The following ABLIM1 variants were observed in gnomAD, a reference collection of about 807,000 sequenced individuals.
ABLIM1 encodes the protein actin binding LIM protein 1, also known as actin-binding LIM protein 1.
Under a neutral mutation model 107.0 loss-of-function variants are expected in ABLIM1, and 40 were observed. The observed-to-expected ratio is 0.37, with a 90% CI of 0.29 to 0.49. The LOEUF (loss-of-function observed/expected upper bound fraction) is 0.49, where lower values mean the gene tolerates loss of function less well. Ranked by LOEUF, ABLIM1 falls within the 20% of genes least tolerant of loss-of-function variation. The pLI, the probability that ABLIM1 is intolerant of heterozygous loss-of-function variation, is 0.97. For synonymous variants in ABLIM1, 357 were observed against 357.3 expected (o/e 1.00, Z 0.01); for missense variants, 857 against 1,008.5 (o/e 0.85, Z 2.04).
intron 1 of ABLIM1, among the ~76,000 whole-genome samples, chr10:114,640,686 G>A (rs1338128540): frequency 1.3e-5 from 2 of 152,164 alleles, no homozygotes; most frequent in Admixed American, 6.5e-5. Context: ...ATTCCATTGA[G>A]TTAAAAGTTG....
chr10:114,519,007 T>G (rs1165864877), intron 6 of ABLIM1, among the ~76,000 whole-genome samples: 1 of 152,138 alleles, frequency 6.6e-6, no homozygotes, highest in Non-Finnish European at 1.5e-5. Flanking sequence ...AGCAAAAATC[T>G]TTTGAATATC....
chr10:114,645,455 C>T (rs951267663), intron 1 of ABLIM1, among the ~76,000 whole-genome samples: 26 of 151,942 alleles, frequency 1.7e-4, no homozygotes, highest in African/African-American at 4.4e-4. Context: ...AAGTTTTCCT[C>T]GCAGAGTCTC....
intron 1 of ABLIM1, among the ~76,000 whole-genome samples, chr10:114,683,556 G>A (rs1341394641): frequency 3.3e-5 from 5 of 152,120 alleles, no homozygotes; most frequent in African/African-American, 4.8e-5. Context: ...GAGGTCCTGC[G>A]AAACAGAGAA....
At chr10:114,453,948 G>T (rs1244020303) in intron 12 of ABLIM1, among the ~76,000 whole-genome samples, 1 of 152,192 alleles carries the variant, frequency 6.6e-6, no homozygotes, top group African/African-American at 2.4e-5. Flanking sequence ...CGATCTGAAG[G>T]TTAAGTCTGG....
chr10:114,684,041 CAA>C (rs1357468475), intron 1 of ABLIM1, among the ~76,000 whole-genome samples: 2 of 152,070 alleles, frequency 1.3e-5, no homozygotes, highest in African/African-American at 4.8e-5. Context: ...GCTACTGCTA[CAA>C]AAGAGTCATG....
rs138984936 is a variant in ABLIM1, at chr10:114,482,218, C to T, written c.1041+5740G>A. The stretch of plus-strand genomic sequence containing the variant: ...AAATTTGCTATTCATAGAAAACTTC[C>T]AAGTGAGTGGAACCAGAATACGTTT... On this transcript the variant is annotated intron_variant, in intron 8 of 22. Transcript: ENST00000533213. Among the ~76,000 whole-genome samples the T allele has an allele frequency of 3.8e-3, 586 of 152,250 alleles. 3 individuals are homozygous for T. The highest frequency in any genetic ancestry group is 6.8e-3 in the Middle Eastern group (2 of 292).
chr10:114,679,992 C>G (rs2080675368), intron 1 of ABLIM1, among the ~76,000 whole-genome samples: 1 of 152,152 alleles, frequency 6.6e-6, no homozygotes, highest in African/African-American at 2.4e-5. Flanking sequence ...GAAATTTTTA[C>G]AATGAAAGCC....
chr10:114,778,841 T>C, the ABLIM1 span: 1 of 152,148 alleles, frequency 6.6e-6, no homozygotes, highest in African/African-American at 2.4e-5. Context: ...TTAAAAAGAT[T>C]TGTTTGCTGA....
intron 1 of ABLIM1, among the ~76,000 whole-genome samples, chr10:114,754,167 A>G (rs1292820513): frequency 6.6e-6 from 1 of 152,202 alleles, no homozygotes; most frequent in Non-Finnish European, 1.5e-5. Flanking sequence ...GTCAGGTTTA[A>G]GAGAACAAAC....
chr10:114,713,042 C>A (rs2081586282), intron 1 of ABLIM1, among the ~76,000 whole-genome samples: 1 of 152,156 alleles, frequency 6.6e-6, no homozygotes, highest in Non-Finnish European at 1.5e-5. Context: ...GAGCAAGACC[C>A]TGTCTCTTAA....
chr10:114,618,683 C>T (rs1221814853), intron 1 of ABLIM1, among the ~76,000 whole-genome samples: 1 of 152,222 alleles, frequency 6.6e-6, no homozygotes, highest in Non-Finnish European at 1.5e-5. Context: ...CAGGCCCTGT[C>T]AACAAGGTGC....
intron 4 of ABLIM1, among the ~76,000 whole-genome samples, chr10:114,569,332 T>TC (rs1199861149): frequency 1.3e-5 from 2 of 151,950 alleles, no homozygotes; most frequent in Admixed American, 1.3e-4. Flanking sequence ...TTTTTTTTTT[T>TC]CTTTGAGATG....
chr10:114,666,673 C>A (rs2080038809), intron 1 of ABLIM1, among the ~76,000 whole-genome samples: 1 of 152,150 alleles, frequency 6.6e-6, no homozygotes, highest in Admixed American at 6.5e-5. Flanking sequence ...ACAAGAATAT[C>A]TCCCTCATGT....
chr10:114,548,278 T>G (rs2067621445), intron 4 of ABLIM1, among the ~76,000 whole-genome samples: 1 of 152,198 alleles, frequency 6.6e-6, no homozygotes, highest in Non-Finnish European at 1.5e-5. Context: ...CAAACCAGCC[T>G]TTCAAAGATT....
Position 114,436,315 on chromosome 10 carries a change from T to C in ABLIM1, c.2282A>G (p.Asp761Gly), listed in dbSNP as rs2059368116. 1 of 1,613,920 alleles carries C rather than the reference T, an allele frequency of 6.2e-7. No individual in the cohort carries two copies. The highest frequency in any genetic ancestry group is 1.3e-5 in the African/African-American group (1 of 74,964). ...EIFGMSIQEF[D>G]RLPLWRRNDM... ...GTTGCGTCTCCAAAGAGGTAACCTGTCAAACTCCTGTATGGACATTCCAAA... is the reference window on the plus strand; with the variant it reads ...GTTGCGTCTCCAAAGAGGTAACCTGCCAAACTCCTGTATGGACATTCCAAA... The change falls in exon 23 of 23, where the codon GAC (aspartate) becomes GGC (glycine). Residue 761 changes from aspartate to glycine, a missense_variant. Asp to Gly is a moderately conservative substitution (Grantham distance 94). Transcript: ENST00000533213.
At chr10:114,507,060 G>T (rs2061252905) in intron 6 of ABLIM1, among the ~76,000 whole-genome samples, 1 of 152,154 alleles carries the variant, frequency 6.6e-6, no homozygotes, top group South Asian at 2.1e-4. Flanking sequence ...TACACTATCA[G>T]ACTAAAAATA....
At chr10:114,558,911 GTC>G (rs1441500353) in intron 4 of ABLIM1, among the ~76,000 whole-genome samples, 79 of 151,522 alleles carry the variant, frequency 5.2e-4, no homozygotes, top group African/African-American at 1.7e-3. Flanking sequence ...TAGTGTGTGT[GTC>G]TGTGTGTGTG....
chr10:114,595,843 C>G (rs1417392143), intron 2 of ABLIM1, among the ~76,000 whole-genome samples: 1 of 152,184 alleles, frequency 6.6e-6, no homozygotes, highest in Non-Finnish European at 1.5e-5. Context: ...GGAAATTTCA[C>G]ACACAGTTAT....
chr10:114,602,291 A>T (rs1426299234), intron 1 of ABLIM1, among the ~76,000 whole-genome samples: 2 of 152,206 alleles, frequency 1.3e-5, no homozygotes, highest in African/African-American at 4.8e-5. Context: ...TGGACTTGTA[A>T]TATGCCTTTA....
Sources: allele counts gnomAD v4.1 joint callset (sites outside exome capture counted in the v4.1 genomes callset), GRCh38; gene constraint gnomAD v4.1.1; transcripts MANE v1.5; gene names NCBI Gene and HGNC (gene_info 2026-07-23, HGNC 2026-07-21).